Variants in THADA observed in about 807,000 individuals in gnomAD.
The protein encoded by THADA is THADA armadillo repeat containing.
THADA carries 213 observed loss-of-function variants against 219.8 expected under a neutral mutation model. The observed-to-expected ratio is 0.97, with a 90% CI of 0.87 to 1.09. The LOEUF (loss-of-function observed/expected upper bound fraction) is 1.09, where lower values mean the gene tolerates loss of function less well. Ranked by LOEUF, THADA falls within the 50% of genes least tolerant of loss-of-function variation. The pLI, the probability that THADA is intolerant of heterozygous loss-of-function variation, is 0.00. For synonymous variants in THADA, 1,018 were observed against 828.9 expected, an observed-to-expected ratio of 1.23 and a Z score of -3.92; for missense variants, 2,956 against 2,311.3, an observed-to-expected ratio of 1.28 and a Z score of -5.72.
intron 36 of THADA, among the ~76,000 whole-genome samples, chr2:43,251,486 C>T (rs1180653771): frequency 6.6e-6 from 1 of 152,236 alleles, no homozygotes; most frequent in East Asian, 1.9e-4. Context: ...GCTCTCTGCT[C>T]TCTAAAAGCA....
intron 24 of THADA, among the ~76,000 whole-genome samples, chr2:43,499,320 T>C (rs560989008): frequency 1.1e-4 from 16 of 152,202 alleles, no homozygotes; most frequent in African/African-American, 1.9e-4. Context: ...TAATAACTTA[T>C]AGATTATGCT....
At chr2:43,432,064 G>T (rs1231172868) in intron 26 of THADA, among the ~76,000 whole-genome samples, 1 of 124,034 alleles carries the variant, frequency 8.1e-6, no homozygotes, top group African/African-American at 3.6e-5. Flanking sequence ...CACCGTTTTA[G>T]CCGGGATGGT....
At chr2:43,553,930 T>G (rs1450856498) in intron 17 of THADA, among the ~76,000 whole-genome samples, 1 of 152,222 alleles carries the variant, frequency 6.6e-6, no homozygotes, top group Admixed American at 6.5e-5. Flanking sequence ...TGGAAAAATG[T>G]CTATTCAGAT....
chr2:43,564,895 A>G (rs1427494200), intron 15 of THADA: 1 of 152,240 alleles, frequency 6.6e-6, no homozygotes, highest in Admixed American at 6.5e-5. Context: ...TTTCCAGATT[A>G]AAGGAAGCTA....
chr2:43,556,589 T>G, intron 16 of THADA, 34 bp from the exon 17 acceptor site: 1 of 1,579,320 alleles, frequency 6.3e-7, no homozygotes, highest in Non-Finnish European at 8.6e-7. Context: ...AACTGTCAAA[T>G]TAAAGATCTC....
intron 36 of THADA, among the ~76,000 whole-genome samples, chr2:43,239,403 C>G (rs989923582): frequency 6.6e-6 from 1 of 152,242 alleles, no homozygotes; most frequent in African/African-American, 2.4e-5. Context: ...AAGACCCAGG[C>G]CTCACACAGT....
intron 29 of THADA, among the ~76,000 whole-genome samples, chr2:43,353,822 A>ATTTTTTTTT (rs564117010): frequency 0.17 from 24,077 of 138,362 alleles, 2,408 homozygotes; most frequent in African/African-American, 0.21. Context: ...AGCTCAGCTA[A>ATTTTTTTTT]TTTTTTTTTT....
At chr2:43,518,526 C>T (rs1192870424) in intron 22 of THADA, among the ~76,000 whole-genome samples, 1 of 152,024 alleles carries the variant, frequency 6.6e-6, no homozygotes, top group African/African-American at 2.4e-5. Flanking sequence ...TCTCTAAGAC[C>T]CAAGAACAAA....
chr2:43,576,441 T>A (rs919849020), intron 10 of THADA, among the ~76,000 whole-genome samples: 1 of 152,206 alleles, frequency 6.6e-6, no homozygotes, highest in African/African-American at 2.4e-5. Context: ...CATTTACTTT[T>A]CTAAGCCTCC....
chr2:43,349,806 C>A (rs1236051281), intron 29 of THADA, among the ~76,000 whole-genome samples: 1 of 152,210 alleles, frequency 6.6e-6, no homozygotes, highest in Non-Finnish European at 1.5e-5. Context: ...ACTTTTGCAA[C>A]TGTATTTTCT....
At chr2:43,543,077 A>G (rs1418681138) in intron 20 of THADA, among the ~76,000 whole-genome samples, 1 of 133,262 alleles carries the variant, frequency 7.5e-6, no homozygotes, top group Non-Finnish European at 1.5e-5. Context: ...TCCTGTGCCC[A>G]TGTGTTCTCA....
intron 31 of THADA, among the ~76,000 whole-genome samples, chr2:43,294,501 A>T (rs1216920691): frequency 6.6e-6 from 1 of 152,182 alleles, no homozygotes; most frequent in Non-Finnish European, 1.5e-5. Context: ...TGGAGCATAA[A>T]ATTTGAGGTG....
rs1218260745 is a variant in THADA at position 43,514,716 on chromosome 2, ATATAT to A, written c.3375-5941_3375-5937del. On this transcript the variant is annotated intron_variant, in intron 22 of 37. Coordinates refer to ENST00000405975, the MANE Select transcript of THADA (RefSeq NM_022065.5). ...TAATATATATAATATATATATAAAT[ATATAT>A]TATATATAATATGTATAATATATAA... 3.8e-5 allele frequency among the ~76,000 whole-genome samples: 3 copies of A among 78,424 alleles called. 1 individual carries two copies. The highest frequency in any genetic ancestry group is 1.8e-4 in the African/African-American group (3 of 16,470). The allele number at this position is 78,424 out of a possible 152,430, so 51.4% of individuals were successfully genotyped here. A position where few individuals can be genotyped will look rare whatever the true frequency, so the allele number is the denominator to read the frequency against.
Position 43,567,085 on chromosome 2 carries a change from CTT to C in THADA, c.2188-266_2188-265del, listed in dbSNP as rs34061617. On this transcript the variant is annotated intron_variant, in intron 14 of 37. Coordinates refer to ENST00000405975, the MANE Select transcript of THADA (RefSeq NM_022065.5). Reference sequence around the variant, plus strand: ...ATTGTAGCCCAGACAGATACGTACACTTTTTTTTTTTTTTTAAGACAGAGTCT... The same window carrying C: ...ATTGTAGCCCAGACAGATACGTACACTTTTTTTTTTTTTAAGACAGAGTCT... 1.8e-3 allele frequency among the ~76,000 whole-genome samples: 254 copies of C among 144,130 alleles called. 1 individual carries two copies. Among genetic ancestry groups the C allele is most frequent in the African/African-American group, 4.4e-3 (173 of 39,462 alleles). The allele number at this position is 144,130 out of a possible 152,430, so 94.6% of individuals were successfully genotyped here. A position where few individuals can be genotyped will look rare whatever the true frequency, so the allele number is the denominator to read the frequency against.
At chr2:43,434,220 A>G (rs1470574597) in intron 26 of THADA, among the ~76,000 whole-genome samples, 1 of 152,234 alleles carries the variant, frequency 6.6e-6, no homozygotes, top group Non-Finnish European at 1.5e-5. Flanking sequence ...GTAAGAGCTA[A>G]TACTGCAGAT....
At chr2:43,322,394 C>T (rs562535706) in intron 30 of THADA, among the ~76,000 whole-genome samples, 3 of 151,866 alleles carry the variant, frequency 2.0e-5, no homozygotes, top group Admixed American at 1.3e-4. Context: ...TTCCCAGCTA[C>T]TCAGGAAACT....
intron 26 of THADA, among the ~76,000 whole-genome samples, chr2:43,454,644 C>T (rs1682769691): frequency 6.6e-6 from 1 of 151,682 alleles, no homozygotes; most frequent in Non-Finnish European, 1.5e-5. Context: ...ATTACACATA[C>T]ATGGTTATGT....
chr2:43,514,687 T>TTTA lies in THADA; in HGVS notation c.3375-5908_3375-5907insTAA, dbSNP rs1558888096. ...TAATAATATATAATATATTATATTA[T>TTTA]ATATAATATATATAATATATATATA... On this transcript the variant is annotated intron_variant, in intron 22 of 37. Coordinates refer to ENST00000405975, the MANE Select transcript of THADA (RefSeq NM_022065.5). Among the ~76,000 whole-genome samples the TTTA allele has an allele frequency of 2.5e-3, 188 of 74,816 alleles. 3 individuals carry two copies. The highest frequency in any genetic ancestry group is 7.9e-3 in the Middle Eastern group (1 of 126). The allele number at this position is 74,816 out of a possible 152,430, so 49.1% of individuals were successfully genotyped here.
chr2:43,462,930 T>C (rs946892400), intron 26 of THADA: 1 of 152,012 alleles, frequency 6.6e-6, no homozygotes, highest in African/African-American at 2.4e-5. Context: ...AAGAAGCAAA[T>C]GAGAAAAGGT....
Sources: gnomAD v4.1 joint callset for allele counts (sites outside exome capture counted in the v4.1 genomes callset) on GRCh38, gnomAD v4.1.1 for gene constraint, MANE v1.5 for transcripts, NCBI Gene and HGNC (gene_info 2026-07-23, HGNC 2026-07-21) for gene names.